The following PAXBP1 variants were observed in gnomAD, a reference collection of about 807,000 sequenced individuals.
PAXBP1 encodes PAX3- and PAX7-binding protein 1.
In PAXBP1, 44 loss-of-function variants were observed where a neutral mutation model predicts 119.9. The ratio of observed to expected loss-of-function variants is 0.37; its 90% CI spans 0.29 to 0.47. The LOEUF (loss-of-function observed/expected upper bound fraction) is 0.47. Ranked by LOEUF, PAXBP1 falls within the 20% of genes least tolerant of loss-of-function variation. The pLI, the probability that PAXBP1 is intolerant of heterozygous loss-of-function variation, is 0.99. For synonymous variants in PAXBP1, 393 were observed against 406.6 expected, an observed-to-expected ratio of 0.97 and a Z score of 0.40; for missense variants, 898 against 1,134.1, an observed-to-expected ratio of 0.79 and a Z score of 2.99.
chr21:32,744,876 T>G lies in PAXBP1; in HGVS notation c.2106A>C (p.Thr702=). Residue 702 remains threonine, a synonymous_variant, in exon 13 of 18, where the codon ACA becomes ACC. Transcript: ENST00000331923. ...TAATTCCCACCATTCTTGAAGTCTG[T>G]GTTGTAGAAAAAGGGTCCCACATAT... ...AENMWDPFST[T]QTSRMVGITL... is the part of the protein sequence containing the mutation. The G allele has an allele frequency of 6.2e-7, 1 of 1,606,148 alleles. No individual in the cohort carries two copies. The highest frequency in any genetic ancestry group is 8.5e-7 in the Non-Finnish European group (1 of 1,177,042).
At chr21:32,763,994 CAA>C (rs5843566) in intron 3 of PAXBP1, among the ~76,000 whole-genome samples, 102 of 101,686 alleles carry the variant, frequency 1.0e-3, no homozygotes, top group Admixed American at 1.1e-3. Context: ...CCTCAAAAAG[CAA>C]AAAAAAAAAA....
At chr21:32,752,821 AC>A (rs2043977882) in intron 8 of PAXBP1, among the ~76,000 whole-genome samples, 1 of 151,944 alleles carries the variant, frequency 6.6e-6, no homozygotes, top group Admixed American at 6.6e-5. Context: ...ATTTTTAGAG[AC>A]GGGGTTTTGC....
intron 10 of PAXBP1, among the ~76,000 whole-genome samples, chr21:32,749,110 CTG>C (rs1406988898): frequency 1.8e-4 from 27 of 152,130 alleles, no homozygotes; most frequent in Admixed American, 1.2e-3. Context: ...CATTCAAACT[CTG>C]TTGGTGATTA....
chr21:32,745,870 T>A, intron 11 of PAXBP1, 152 bp from the exon 12 acceptor site: 2 of 896,626 alleles, frequency 2.2e-6, no homozygotes, highest in Non-Finnish European at 3.3e-6. Context: ...GACTTCAAAC[T>A]ATAAGGCCAC....
intron 3 of PAXBP1, among the ~76,000 whole-genome samples, chr21:32,763,469 A>G (rs986360314): frequency 6.6e-6 from 1 of 152,238 alleles, no homozygotes; most frequent in Non-Finnish European, 1.5e-5. Flanking sequence ...GGACTGTACC[A>G]ATCAGACTGC....
chr21:32,761,957 T>G lies in PAXBP1; in HGVS notation c.871+139A>C, dbSNP rs553771534. ...AGAGGCTGAGACAAGGGTGACTGTT[T>G]GAGTCCACGAGTCAAGACACTGCAG... On this transcript the variant is annotated intron_variant, in intron 4 of 17. Transcript: ENST00000331923. 1.3e-5 allele frequency: 11 copies of G among 818,092 alleles called. No individual in the cohort carries two copies. In the African/African-American group the frequency reaches 1.7e-4, roughly 13 times the overall value. 50.7% of individuals were successfully genotyped at this position (818,092 alleles called of 1,614,324 possible).
rs1159985207 is a variant in PAXBP1 at position 32,762,427 on chromosome 21, A to G, written c.650-110T>C. The G allele has an allele frequency of 3.6e-6, 5 of 1,393,568 alleles. No homozygotes were observed. In the East Asian group the frequency reaches 1.3e-4, roughly 35 times the overall value. The allele number at this position is 1,393,568 out of a possible 1,614,324, so 86.3% of individuals were successfully genotyped here. A position where few individuals can be genotyped will look rare whatever the true frequency, so the allele number is the denominator to read the frequency against. ...GATAGCCTCATCACAGTGATGTTTCAGCTGCTGGCACCTCCTTCCCATACT... is the reference window on the plus strand; with the variant it reads ...GATAGCCTCATCACAGTGATGTTTCGGCTGCTGGCACCTCCTTCCCATACT... On this transcript the variant is annotated intron_variant, in intron 3 of 17. Transcript: ENST00000331923.
rs1055776810 is a variant in PAXBP1, at chr21:32,755,444, T to C, written c.1384-91A>G. On this transcript the variant is annotated intron_variant, in intron 7 of 17. Coordinates refer to ENST00000331923, the MANE Select transcript of PAXBP1 (RefSeq NM_016631.4). ...TACTATTTCCGGATTTCTGAAAAAG[T>C]ACCCTCTCTATGGACAGAATAATCA... is the stretch of plus-strand genomic sequence containing the variant. The C allele has an allele frequency of 4.6e-6, 7 of 1,522,284 alleles. No homozygotes were observed. The African/African-American group carries it at 7.1e-5, about 15-fold the overall frequency. 94.3% of individuals were successfully genotyped at this position (1,522,284 alleles called of 1,614,324 possible). A position where few individuals can be genotyped will look rare whatever the true frequency, so the allele number is the denominator to read the frequency against.
At chr21:32,743,942 A>C (rs1175852575) in intron 13 of PAXBP1, among the ~76,000 whole-genome samples, 188 bp from the exon 14 acceptor site, 1 of 152,192 alleles carries the variant, frequency 6.6e-6, no homozygotes, top group Non-Finnish European at 1.5e-5. Context: ...AACAACTGCC[A>C]AGCAATAAAG....
At chr21:32,770,585 G>A (rs1289087638) in intron 1 of PAXBP1, among the ~76,000 whole-genome samples, 1 of 152,116 alleles carries the variant, frequency 6.6e-6, no homozygotes, top group Non-Finnish European at 1.5e-5. Context: ...TTCGTAACAT[G>A]GAATTAACTG....
At chr21:32,762,873 T>C (rs2044173014) in intron 3 of PAXBP1, among the ~76,000 whole-genome samples, 1 of 138,450 alleles carries the variant, frequency 7.2e-6, no homozygotes, top group African/African-American at 2.8e-5. Flanking sequence ...ATTGCACCAC[T>C]GCACTCCAGC....
At position 32,771,717 on chromosome 21, in the gene PAXBP1, CGGCA is replaced by C; in HGVS notation, c.-53_-50del. 7.5e-7 allele frequency: 1 copy of C among 1,331,498 alleles called. No homozygotes were observed. The highest frequency in any genetic ancestry group is 9.6e-7 in the Non-Finnish European group (1 of 1,038,628). The allele number at this position is 1,331,498 out of a possible 1,614,324, so 82.5% of individuals were successfully genotyped here. ...AATACTCGCTTCCACACCGCGGCCC[CGGCA>C]GCGCCGAGCTCGTGACGGCGCACGC... On this transcript the variant is annotated 5_prime_UTR_variant, in exon 1 of 18. Coordinates refer to ENST00000331923, the MANE Select transcript of PAXBP1 (RefSeq NM_016631.4).
chr21:32,769,887 T>C lies in PAXBP1; in HGVS notation c.399A>G (p.Lys133=). 1 of 1,586,282 alleles carries C rather than the reference T, an allele frequency of 6.3e-7. No homozygotes were observed. The highest frequency in any genetic ancestry group is 8.6e-7 in the Non-Finnish European group (1 of 1,165,900). Residue 133 remains lysine, a synonymous_variant, in exon 2 of 18, where the codon AAA becomes AAG. Transcript: ENST00000331923. The part of the protein sequence containing the change: ...KKSSYSKKIV[K]LLKKEYKEDL... ...CTTCTTTATATTCCTTCTTGAGCAA[T>C]TTTACTATCTTTTTGCTATAACTTG... is the stretch of plus-strand genomic sequence containing the variant.
At position 32,734,779 on chromosome 21, in the gene PAXBP1, C is replaced by T; in HGVS notation, c.*171G>A. 1.6e-6 allele frequency: 1 copy of T among 632,916 alleles called. No individual in the cohort carries two copies. 39.2% of individuals were successfully genotyped at this position (632,916 alleles called of 1,614,324 possible). A position where few individuals can be genotyped will look rare whatever the true frequency, so the allele number is the denominator to read the frequency against. On this transcript the variant is annotated 3_prime_UTR_variant, in exon 18 of 18. Coordinates refer to ENST00000331923, the MANE Select transcript of PAXBP1 (RefSeq NM_016631.4). ...ACATTCATAGACTCCTAGAAATAAT[C>T]TGAATTCCTTTCATTCTGAAGAAAT...
intron 11 of PAXBP1, among the ~76,000 whole-genome samples, chr21:32,746,637 C>T (rs2043876210): frequency 6.6e-6 from 1 of 152,156 alleles, no homozygotes; most frequent in South Asian, 2.1e-4. Flanking sequence ...AAAAGGAACA[C>T]TTTTACACTA....
intron 5 of PAXBP1, among the ~76,000 whole-genome samples, chr21:32,760,747 C>T (rs1295764982): frequency 1.3e-5 from 2 of 152,086 alleles, no homozygotes; most frequent in Admixed American, 1.3e-4. Context: ...ATTTGCGTTT[C>T]TAATGAGCTA....
chr21:32,737,492 A>C, intron 16 of PAXBP1, 84 bp from the exon 17 acceptor site: 1 of 1,156,980 alleles, frequency 8.6e-7, no homozygotes, highest in Non-Finnish European at 1.2e-6. Flanking sequence ...AATGGGTATA[A>C]ATGTATTTCA....
At position 32,763,942 on chromosome 21, in the gene PAXBP1, G is replaced by A. The variant is rs192313617; in HGVS notation, c.649+406C>T. Among the ~76,000 whole-genome samples the A allele has an allele frequency of 5.2e-3, 774 of 150,230 alleles. 5 individuals are homozygous for A. The highest frequency in any genetic ancestry group is 0.018 in the African/African-American group (728 of 40,676). On this transcript the variant is annotated intron_variant, in intron 3 of 17. Transcript: ENST00000331923. ...GCGGTGGGTGCAGTGAGCTGAGATC[G>A]TGCCATTGCACTCCAGCCTGGGCAA...
At chr21:32,764,547 T>A (rs749392527) in intron 2 of PAXBP1, 23 bp from the exon 3 acceptor site, 1 of 1,508,780 alleles carries the variant, frequency 6.6e-7, no homozygotes, top group Non-Finnish European at 8.9e-7. Context: ...AGAATTAAAA[T>A]ATATGTAAAA....
Sources: gnomAD v4.1 joint callset for allele counts (sites outside exome capture counted in the v4.1 genomes callset) on GRCh38, gnomAD v4.1.1 for gene constraint, MANE v1.5 for transcripts, NCBI Gene and HGNC (gene_info 2026-07-23, HGNC 2026-07-21) for gene names.